SHANK2: variants seen among roughly 807,000 people sequenced by gnomAD.
SHANK2 encodes SH3 and multiple ankyrin repeat domains 2.
A neutral mutation model predicts 133.7 loss-of-function variants in SHANK2; 43 were observed. That is an observed-to-expected ratio of 0.32 (90% CI 0.25 to 0.41). The LOEUF (loss-of-function observed/expected upper bound fraction) is 0.41, where lower values mean the gene tolerates loss of function less well. Ranked by LOEUF, SHANK2 falls within the 10% of genes least tolerant of loss-of-function variation. The probability of loss-of-function intolerance (pLI) is 1.00; values close to 1 mark genes in which losing one functional copy is unlikely to be tolerated. For missense variants in SHANK2, 1,994 were observed against 2,235.8 expected (o/e 0.89, Z 2.18); for synonymous variants, 1,017 against 952.8 (o/e 1.07, Z -1.24).
intron 14 of SHANK2, among the ~76,000 whole-genome samples, chr11:70,744,580 A>C (rs1946599771): frequency 6.6e-6 from 1 of 152,184 alleles, no homozygotes; most frequent in Non-Finnish European, 1.5e-5. Context: ...GGCAGCCCAC[A>C]GCAGCTCCAG....
chr11:70,485,817 C>T lies in SHANK2; in HGVS notation c.4476G>A (p.Glu1492=). The T allele has an allele frequency of 6.2e-7, 1 of 1,614,008 alleles. No homozygotes were observed. The highest frequency in any genetic ancestry group is 1.1e-5 in the South Asian group (1 of 91,082). Residue 1492 remains glutamate (E), a synonymous_variant, in exon 25 of 26, where the codon GAG becomes GAA. Coordinates refer to ENST00000601538, the MANE Select transcript of SHANK2 (RefSeq NM_012309.5). This position sits in a 1 kb window ranked among gnomAD's most constrained non-coding sequence, Gnocchi z 5.8. ...CGCTGCTACTCCGGCTGTCCACCTC[C>T]TCGATCCCAGAGTCGGCGACGGCGT... The part of the protein sequence containing the change: ...SFDAVADSGI[E]EVDSRSSSDH...
chr11:70,474,133 C>T (rs888874747), intron 25 of SHANK2: 4 of 166,034 alleles, frequency 2.4e-5, no homozygotes, highest in Admixed American at 5.5e-5. Flanking sequence ...GTGTGGGCTG[C>T]GCTCACCTTC....
At chr11:71,251,419 G>A (rs529128024) in intron 1 of SHANK2, among the ~76,000 whole-genome samples, 86 of 152,152 alleles carry the variant, frequency 5.7e-4, no homozygotes, top group Non-Finnish European at 1.0e-3. Flanking sequence ...CGCACCTGCT[G>A]GCTCAGTCCG....
chr11:71,240,365 TGTCCTA>T (rs761787861), intron 1 of SHANK2, among the ~76,000 whole-genome samples: 66 of 152,204 alleles, frequency 4.3e-4, no homozygotes, highest in Non-Finnish European at 7.1e-4. Flanking sequence ...CGTGACAAGC[TGTCCTA>T]GTCCATCTTC....
intron 2 of SHANK2, among the ~76,000 whole-genome samples, chr11:71,169,135 A>G (rs1214798706): frequency 3.3e-5 from 5 of 152,166 alleles, no homozygotes; most frequent in Admixed American, 1.3e-4. Flanking sequence ...ACACAGACGC[A>G]AGGCAAAGGA....
At chr11:71,192,010 A>C (rs1293643822) in intron 2 of SHANK2, among the ~76,000 whole-genome samples, 2 of 151,728 alleles carry the variant, frequency 1.3e-5, no homozygotes, top group African/African-American at 4.8e-5. Context: ...ACAGGCCCAC[A>C]ATACCATACC....
intron 6 of SHANK2, among the ~76,000 whole-genome samples, chr11:71,097,248 A>C (rs1321422259): frequency 6.6e-6 from 1 of 152,040 alleles, no homozygotes; most frequent in Non-Finnish European, 1.5e-5. Flanking sequence ...ATTTGCAAAG[A>C]GCACGTCCGC....
intron 25 of SHANK2, chr11:70,474,708 GC>G (rs758022369): frequency 1.3e-5 from 2 of 152,230 alleles, no homozygotes; most frequent in Non-Finnish European, 2.9e-5. Flanking sequence ...TGCCTTTTGG[GC>G]CCATTCACGT....
At chr11:70,729,206 TAAA>T in intron 14 of SHANK2, among the ~76,000 whole-genome samples, 1 of 131,668 alleles carries the variant, frequency 7.6e-6, no homozygotes, top group South Asian at 2.6e-4. Context: ...AAAAAAAAAT[TAAA>T]AAAAAAAAAA....
chr11:70,891,836 G>A (rs781810817), intron 11 of SHANK2, among the ~76,000 whole-genome samples: 2 of 152,172 alleles, frequency 1.3e-5, no homozygotes, highest in Admixed American at 6.5e-5. Context: ...GAGCATCCCA[G>A]TGACAATTGA....
chr11:71,073,970 A>G (rs1036917381), intron 9 of SHANK2, among the ~76,000 whole-genome samples: 2 of 152,180 alleles, frequency 1.3e-5, no homozygotes, highest in South Asian at 4.1e-4. Context: ...AGGGTGGACA[A>G]GAGAGCCCGG....
intron 2 of SHANK2, among the ~76,000 whole-genome samples, chr11:71,210,231 TATATATATATATATA>T (rs1954234361): frequency 1.4e-5 from 1 of 70,048 alleles, no homozygotes. Context: ...TATATATATA[TATATATATATATATA>T]TATATATTTA....
chr11:70,870,135 A>T (rs1222806938), intron 11 of SHANK2, among the ~76,000 whole-genome samples: 1 of 152,128 alleles, frequency 6.6e-6, no homozygotes, highest in Non-Finnish European at 1.5e-5. Flanking sequence ...GGCCCAGGGC[A>T]CTATGGAAGA....
In SHANK2 at chr11:70,500,781, G is replaced by T; in HGVS notation, c.2288-191C>A. Reference sequence around the variant, plus strand: ...ATGGAGTGGCTTTCCCCAAACCTTGGCTGCCCGCACAACTCTGTCCTGTCT... The same window carrying T: ...ATGGAGTGGCTTTCCCCAAACCTTGTCTGCCCGCACAACTCTGTCCTGTCT... On this transcript the variant is annotated intron_variant, in intron 20 of 25. Transcript: ENST00000601538. This position sits in a 1 kb window ranked among gnomAD's most constrained non-coding sequence, Gnocchi z 4.5. 2 of 768,180 alleles carry T rather than the reference G, an allele frequency of 2.6e-6. No homozygotes were observed. Among genetic ancestry groups the T allele is most frequent in the Non-Finnish European group, 4.6e-6 (2 of 431,702 alleles). 47.6% of individuals were successfully genotyped at this position (768,180 alleles called of 1,614,324 possible).
chr11:70,475,686 G>T (rs1555149966), intron 25 of SHANK2, among the ~76,000 whole-genome samples: 1 of 152,208 alleles, frequency 6.6e-6, no homozygotes, highest in African/African-American at 2.4e-5. Flanking sequence ...GTTTGCAGGG[G>T]CTGGTGGGTG....
chr11:70,772,317 G>C (rs1299164513), intron 14 of SHANK2, among the ~76,000 whole-genome samples: 1 of 151,844 alleles, frequency 6.6e-6, no homozygotes, highest in Non-Finnish European at 1.5e-5. Context: ...GCGCGCGCCT[G>C]TAATCCTAGC....
rs1952666908 is a variant in SHANK2 at position 71,147,114 on chromosome 11, G to T, written c.207+6C>A. On this transcript the variant is annotated splice_donor_region_variant and intron_variant, in intron 3 of 25. Coordinates refer to ENST00000601538, the MANE Select transcript of SHANK2 (RefSeq NM_012309.5). ...TGTGAACCAAAGGGCAGACCACGGG[G>T]CTCACCGTCTGCTGCAGGTCATGGA... The T allele has an allele frequency of 6.5e-7, 1 of 1,543,818 alleles. No homozygotes were observed. The highest frequency in any genetic ancestry group is 8.7e-7 in the Non-Finnish European group (1 of 1,144,936).
intron 11 of SHANK2, among the ~76,000 whole-genome samples, chr11:70,823,076 C>G (rs1286669374): frequency 2.3e-4 from 9 of 39,094 alleles, no homozygotes; most frequent in Non-Finnish European, 3.2e-4. Flanking sequence ...GCTGGCAGAG[C>G]TCACGGGGGA....
chr11:70,699,762 C>T (rs1159560420), intron 14 of SHANK2, among the ~76,000 whole-genome samples: 5 of 152,206 alleles, frequency 3.3e-5, no homozygotes, highest in African/African-American at 1.2e-4. Flanking sequence ...TTCCAAGAAC[C>T]CTTTCCCTTT....
Sources: gnomAD v4.1 joint callset for allele counts (sites outside exome capture counted in the v4.1 genomes callset) on GRCh38, gnomAD v4.1.1 for gene constraint, Gnocchi (gnomAD v3.1) non-coding constraint, MANE v1.5 for transcripts, NCBI Gene and HGNC (gene_info 2026-07-23, HGNC 2026-07-21) for gene names.